CNTN4: variants seen among roughly 807,000 people sequenced by gnomAD.
CNTN4 encodes contactin 4.
In CNTN4, 77 loss-of-function variants were observed where a neutral mutation model predicts 122.5. That is an observed-to-expected ratio of 0.63 (90% CI 0.52 to 0.76). The LOEUF is 0.76. CNTN4 is among the 30% of genes least tolerant of loss of function. The pLI, the probability that CNTN4 is intolerant of heterozygous loss-of-function variation, is 0.00. For missense variants in CNTN4, 1,256 were observed against 1,259.1 expected (o/e 1.00, Z 0.04); for synonymous variants, 512 against 447.0 (o/e 1.15, Z -1.83).
chr3:2,421,933 C>G (rs1258708034), intron 3 of CNTN4, among the ~76,000 whole-genome samples: 1 of 151,912 alleles, frequency 6.6e-6, no homozygotes, highest in African/African-American at 2.4e-5. Context: ...AGAATTTGTA[C>G]TTTTCCCTTC....
intron 5 of CNTN4, among the ~76,000 whole-genome samples, chr3:2,737,052 G>A (rs2089163545): frequency 6.6e-6 from 1 of 152,052 alleles, no homozygotes; most frequent in Non-Finnish European, 1.5e-5. Context: ...CTAAAGTGCT[G>A]GGATTACAAG....
chr3:2,397,492 G>GT (rs112257925), intron 3 of CNTN4, among the ~76,000 whole-genome samples: 6,883 of 146,642 alleles, frequency 0.047, 422 homozygotes, highest in African/African-American at 0.14. Flanking sequence ...TTAGGTGCAA[G>GT]TTTTTTTTTT....
At chr3:2,324,376 A>G (rs907755976) in intron 2 of CNTN4, among the ~76,000 whole-genome samples, 1 of 152,156 alleles carries the variant, frequency 6.6e-6, no homozygotes, top group Admixed American at 6.5e-5. Context: ...TACATAACAT[A>G]TATATTGTGT....
chr3:2,993,338 C>G (rs1270910352), intron 14 of CNTN4, among the ~76,000 whole-genome samples: 1 of 146,508 alleles, frequency 6.8e-6, no homozygotes, highest in Non-Finnish European at 1.5e-5. Flanking sequence ...CCTGTTGTTG[C>G]CCAGGCTAGA....
Position 2,113,456 on chromosome 3 carries a change from C to T in CNTN4, c.-145+12817C>T, listed in dbSNP as rs974072023. Reference sequence around the variant, plus strand: ...GAGAAATGCAGAAATTTTTTCCTCACGCAGATGCACTGTATCAGAATTTTC... The same window carrying T: ...GAGAAATGCAGAAATTTTTTCCTCATGCAGATGCACTGTATCAGAATTTTC... On this transcript the variant is annotated intron_variant, in intron 2 of 24. Coordinates refer to ENST00000418658, the MANE Select transcript of CNTN4 (RefSeq NM_175607.3). 1.2e-4 allele frequency among the ~76,000 whole-genome samples: 19 copies of T among 152,274 alleles called. 1 individual carries two copies. Among genetic ancestry groups the T allele is most frequent in the South Asian group, 8.3e-4 (4 of 4,830 alleles).
At chr3:3,054,315 A>G (rs1297757173) in intron 24 of CNTN4, among the ~76,000 whole-genome samples, 1 of 152,222 alleles carries the variant, frequency 6.6e-6, no homozygotes, top group African/African-American at 2.4e-5. Flanking sequence ...TGACTCAGTC[A>G]GAAGGAACAA....
intron 4 of CNTN4, among the ~76,000 whole-genome samples, chr3:2,585,837 A>G (rs1559271020): frequency 6.6e-6 from 1 of 151,414 alleles, no homozygotes; most frequent in Non-Finnish European, 1.5e-5. Context: ...TTAAAGTATA[A>G]TAAAAAAAAA....
chr3:3,037,084 T>G, intron 17 of CNTN4, 95 bp from the exon 18 acceptor site: 8 of 1,383,146 alleles, frequency 5.8e-6, no homozygotes, highest in Non-Finnish European at 8.2e-6. Context: ...ACAATAATGA[T>G]GAGGATGGAT....
chr3:2,108,499 C>T (rs190986280), intron 2 of CNTN4, among the ~76,000 whole-genome samples: 2 of 152,202 alleles, frequency 1.3e-5, no homozygotes, highest in South Asian at 2.1e-4. Flanking sequence ...GTTGCCTTGC[C>T]TTCTACATTG....
intron 2 of CNTN4, among the ~76,000 whole-genome samples, chr3:2,293,005 G>C (rs1024879390): frequency 9.9e-5 from 15 of 152,130 alleles, no homozygotes; most frequent in Non-Finnish European, 2.1e-4. Flanking sequence ...CATTTACACT[G>C]TTACCAACAA....
chr3:2,140,830 T>C (rs2034957233), intron 2 of CNTN4, among the ~76,000 whole-genome samples: 1 of 152,210 alleles, frequency 6.6e-6, no homozygotes, highest in Admixed American at 6.5e-5. Flanking sequence ...AACTGCTTGT[T>C]CATGTGATCT....
Position 2,385,082 on chromosome 3 carries a change from C to T in CNTN4, c.-89+45849C>T, listed in dbSNP as rs982827417. Among the ~76,000 whole-genome samples, 2 of 152,064 alleles carry T rather than the reference C, an allele frequency of 1.3e-5. No homozygotes were observed. The highest frequency in any genetic ancestry group is 6.6e-5 in the Admixed American group (1 of 15,264). On this transcript the variant is annotated intron_variant, in intron 3 of 24. Coordinates refer to ENST00000418658, the MANE Select transcript of CNTN4 (RefSeq NM_175607.3). The surrounding 1 kb of genome is among the most constrained non-coding windows in gnomAD (Gnocchi z 4.0). ...TGGTCTATTCTGGTATTACCCAGAACAAATAAATTACATTGCTGATATCAG... is the reference window on the plus strand; with the variant it reads ...TGGTCTATTCTGGTATTACCCAGAATAAATAAATTACATTGCTGATATCAG...
chr3:2,618,411 G>A (rs1008863312), intron 4 of CNTN4, among the ~76,000 whole-genome samples: 9 of 151,904 alleles, frequency 5.9e-5, no homozygotes, highest in Admixed American at 3.3e-4. Flanking sequence ...ACAAATGTTT[G>A]CTCTATATAA....
intron 4 of CNTN4, among the ~76,000 whole-genome samples, chr3:2,717,690 G>A (rs554748847): frequency 6.6e-6 from 1 of 152,098 alleles, no homozygotes; most frequent in African/African-American, 2.4e-5. Context: ...GAAATTTCTG[G>A]ATCAACTTTT....
chr3:2,649,032 T>C (rs938991097), intron 4 of CNTN4, among the ~76,000 whole-genome samples: 4 of 152,146 alleles, frequency 2.6e-5, no homozygotes, highest in African/African-American at 7.2e-5. Context: ...TCTCTTCAAT[T>C]CTGTGAAGGC....
intron 3 of CNTN4, among the ~76,000 whole-genome samples, chr3:2,435,351 C>G (rs1268049451): frequency 6.6e-6 from 1 of 152,104 alleles, no homozygotes; most frequent in Non-Finnish European, 1.5e-5. Context: ...CCTTAAATCA[C>G]CTCTGGATTA....
At chr3:2,192,893 G>T (rs1369637874) in intron 2 of CNTN4, among the ~76,000 whole-genome samples, 1 of 152,178 alleles carries the variant, frequency 6.6e-6, no homozygotes, top group African/African-American at 2.4e-5. Context: ...TGGTGTGGGT[G>T]TGAGAGTGTG....
intron 20 of CNTN4, among the ~76,000 whole-genome samples, chr3:3,040,571 G>C (rs957304439): frequency 6.6e-6 from 1 of 152,276 alleles, no homozygotes; most frequent in Non-Finnish European, 1.5e-5. Flanking sequence ...ACTTTCAAAA[G>C]AATTTTATTT....
intron 3 of CNTN4, among the ~76,000 whole-genome samples, chr3:2,462,364 A>G (rs930427892): frequency 2.0e-5 from 3 of 152,182 alleles, no homozygotes; most frequent in Non-Finnish European, 4.4e-5. Context: ...AATTATTACA[A>G]TGGAAGCACA....
Sources: gnomAD v4.1 joint callset for allele counts (sites outside exome capture counted in the v4.1 genomes callset) on GRCh38, gnomAD v4.1.1 for gene constraint, Gnocchi (gnomAD v3.1) non-coding constraint, MANE v1.5 for transcripts, NCBI Gene and HGNC (gene_info 2026-07-23, HGNC 2026-07-21) for gene names.